The following SVBP variants were observed in gnomAD, a reference collection of about 807,000 sequenced individuals.
SVBP encodes small vasohibin-binding protein.
SVBP carries 9 observed loss-of-function variants against 9.2 expected under a neutral mutation model. The observed-to-expected ratio is 0.98, with a 90% CI of 0.59 to 1.71. The LOEUF (loss-of-function observed/expected upper bound fraction) is 1.71. Among genes scored for constraint, SVBP ranks in the 40% most tolerant of loss-of-function variants. SVBP has a pLI of 0.00. For missense variants in SVBP, 63 were observed against 73.2 expected, an observed-to-expected ratio of 0.86 and a Z score of 0.51; for synonymous variants, 27 against 23.9, an observed-to-expected ratio of 1.13 and a Z score of -0.37.
At chr1:42,807,624 G>C (rs1653988895) in intron 2 of SVBP, 124 bp from the exon 3 acceptor site, 3 of 702,026 alleles carry the variant, frequency 4.3e-6, no homozygotes, top group Non-Finnish European at 7.6e-6. Flanking sequence ...TGCAGGGACA[G>C]TGCTCTGGGA....
At chr1:42,808,264 C>T (rs1424255157) in intron 2 of SVBP, among the ~76,000 whole-genome samples, 2 of 141,632 alleles carry the variant, frequency 1.4e-5, no homozygotes, top group Non-Finnish European at 3.0e-5. Flanking sequence ...TATACTATAG[C>T]TTATATATAC....
chr1:42,813,814 T>C (rs116753255), intron 2 of SVBP: 215 of 466,458 alleles, frequency 4.6e-4, no homozygotes, highest in African/African-American at 4.0e-3. Context: ...CCTCATATTG[T>C]TCACCAAAGC....
chr1:42,816,759 T>C (rs74070053), intron 1 of SVBP, 179 bp from the exon 2 acceptor site: 19,602 of 515,822 alleles, frequency 0.038, 558 homozygotes, highest in African/African-American at 0.1. Context: ...ACAACCTCGC[T>C]GGGTGTCCCT....
At chr1:42,813,160 T>A (rs1368908038) in intron 2 of SVBP, among the ~76,000 whole-genome samples, 1 of 152,102 alleles carries the variant, frequency 6.6e-6, no homozygotes, top group African/African-American at 2.4e-5. Flanking sequence ...ATGAGGAGTA[T>A]TTTTTTTCTA....
In SVBP at chr1:42,817,318, C is replaced by A; in HGVS notation, c.-165G>T. ...CCTGCCCACCGCCCCTCGTCCTGGG[C>A]GGGGCCGCGCGCCGGGGGGAGGGGC... is the stretch of plus-strand genomic sequence containing the variant. On this transcript the variant is annotated 5_prime_UTR_variant, in exon 1 of 3. Transcript: ENST00000372521. 3 of 1,129,040 alleles carry A rather than the reference C, an allele frequency of 2.7e-6. No individual in the cohort carries two copies. The highest frequency in any genetic ancestry group is 3.4e-5 in the African/African-American group (2 of 59,352). 69.9% of individuals were successfully genotyped at this position (1,129,040 alleles called of 1,614,324 possible).
chr1:42,810,399 G>C (rs923650496), intron 2 of SVBP, among the ~76,000 whole-genome samples: 1 of 152,086 alleles, frequency 6.6e-6, no homozygotes, highest in East Asian at 1.9e-4. Context: ...GCCCACCTTG[G>C]CCTCCCAAAG....
At chr1:42,814,115 G>A (rs1208266432) in intron 2 of SVBP, among the ~76,000 whole-genome samples, 1 of 147,270 alleles carries the variant, frequency 6.8e-6, no homozygotes, top group African/African-American at 2.5e-5. Context: ...TTGAGACAGA[G>A]TCTAGCTCTG....
At chr1:42,816,405 A>AT in intron 2 of SVBP, 26 bp downstream of exon 2, 1 of 1,492,536 alleles carries the variant, frequency 6.7e-7, no homozygotes, top group Non-Finnish European at 9.3e-7. Flanking sequence ...GACTACAGGC[A>AT]TACAGAGCCT....
At chr1:42,811,934 C>T (rs920826424) in intron 2 of SVBP, among the ~76,000 whole-genome samples, 3 of 150,310 alleles carry the variant, frequency 2.0e-5, no homozygotes, top group South Asian at 2.1e-4. Flanking sequence ...TTTTTAAAAA[C>T]GGATTTTAAC....
rs1261741897 is a variant in SVBP at position 42,807,155 on chromosome 1, T to TG, written c.*258_*259insC. The TG allele has an allele frequency of 3.0e-4, 67 of 224,624 alleles. No individual in the cohort carries two copies. In the South Asian group the frequency reaches 3.8e-3, roughly 13 times the overall value. 13.9% of individuals were successfully genotyped at this position (224,624 alleles called of 1,614,324 possible). A position where few individuals can be genotyped will look rare whatever the true frequency, so the allele number is the denominator to read the frequency against. On this transcript the variant is annotated 3_prime_UTR_variant, in exon 3 of 3. Coordinates refer to ENST00000372521, the MANE Select transcript of SVBP (RefSeq NM_199342.4). ...TAGAAAAAGTGTTTTTTGTGTGTGTTTTTTTTTTTTTTTTAAAAAAACCCA... is the reference window on the plus strand; with the variant it reads ...TAGAAAAAGTGTTTTTTGTGTGTGTTGTTTTTTTTTTTTTTAAAAAAACCCA...
At chr1:42,810,976 C>T (rs1312185536) in intron 2 of SVBP, among the ~76,000 whole-genome samples, 1 of 152,088 alleles carries the variant, frequency 6.6e-6, no homozygotes, top group Non-Finnish European at 1.5e-5. Flanking sequence ...TCCATCTCTA[C>T]TAAAAATACA....
chr1:42,811,479 G>A (rs1008545830), intron 2 of SVBP, among the ~76,000 whole-genome samples: 2 of 152,210 alleles, frequency 1.3e-5, no homozygotes, highest in Admixed American at 6.5e-5. Flanking sequence ...GCTGCTGCTT[G>A]AGTGCAGCAA....
chr1:42,817,212 A>G lies in SVBP; in HGVS notation c.-59T>C. 8.0e-7 allele frequency: 1 copy of G among 1,256,268 alleles called. No individual in the cohort carries two copies. The highest frequency in any genetic ancestry group is 1.0e-6 in the Non-Finnish European group (1 of 974,084). 77.8% of individuals were successfully genotyped at this position (1,256,268 alleles called of 1,614,324 possible). ...TACCTTTCCCGACCGGGCCACTGGA[A>G]GTTGGAGCCTCCGCCGAGTCGCAGA... On this transcript the variant is annotated 5_prime_UTR_variant, in exon 1 of 3. Coordinates refer to ENST00000372521, the MANE Select transcript of SVBP (RefSeq NM_199342.4).
intron 2 of SVBP, among the ~76,000 whole-genome samples, chr1:42,810,153 CATAT>C (rs774741674): frequency 4.2e-5 from 6 of 141,318 alleles, no homozygotes; most frequent in African/African-American, 1.2e-4. Flanking sequence ...CACACACACA[CATAT>C]ATTTTTTTTG....
At chr1:42,810,120 A>G (rs1303380240) in intron 2 of SVBP, among the ~76,000 whole-genome samples, 2 of 131,344 alleles carry the variant, frequency 1.5e-5, no homozygotes, top group East Asian at 4.4e-4. Context: ...ACACACATAC[A>G]TACATACACA....
At chr1:42,817,045 G>C in intron 1 of SVBP, 145 bp downstream of exon 1, 2 of 264,410 alleles carry the variant, frequency 7.6e-6, no homozygotes, top group Non-Finnish European at 1.2e-5. Flanking sequence ...TAGCCAGCCG[G>C]GCCCGCCCCC....
chr1:42,813,852 C>T (rs1258432424), intron 2 of SVBP: 3 of 323,100 alleles, frequency 9.3e-6, no homozygotes, highest in Admixed American at 3.5e-5. Context: ...TCTGAGGACC[C>T]GGATCCAGGT....
chr1:42,815,868 T>A (rs1200572734), intron 2 of SVBP, among the ~76,000 whole-genome samples: 1 of 152,110 alleles, frequency 6.6e-6, no homozygotes, highest in Non-Finnish European at 1.5e-5. Context: ...AGCAGACAGA[T>A]AAACAAAACA....
Position 42,817,277 on chromosome 1 carries a change from A to G in SVBP, c.-124T>C, listed in dbSNP as rs1007407959. Reference sequence around the variant, plus strand: ...GGGTAATCCTCGCCTTCCCCCGACCACTGGACCCAGCGCTGCCTGCCCACC... The same window carrying G: ...GGGTAATCCTCGCCTTCCCCCGACCGCTGGACCCAGCGCTGCCTGCCCACC... On this transcript the variant is annotated 5_prime_UTR_variant, in exon 1 of 3. Transcript: ENST00000372521. 1.2e-4 allele frequency: 147 copies of G among 1,231,988 alleles called. No individual in the cohort carries two copies. The highest frequency in any genetic ancestry group is 1.5e-4 in the Non-Finnish European group (142 of 958,230). 76.3% of individuals were successfully genotyped at this position (1,231,988 alleles called of 1,614,324 possible). A position where few individuals can be genotyped will look rare whatever the true frequency, so the allele number is the denominator to read the frequency against.
Sources: allele counts gnomAD v4.1 joint callset (sites outside exome capture counted in the v4.1 genomes callset), GRCh38; gene constraint gnomAD v4.1.1; transcripts MANE v1.5; gene names NCBI Gene and HGNC (gene_info 2026-07-23, HGNC 2026-07-21).